GLTP: variants seen among roughly 807,000 people sequenced by gnomAD.
The protein encoded by GLTP is glycolipid transfer protein.
In GLTP, 22 loss-of-function variants were observed where a neutral mutation model predicts 24.0. The observed-to-expected ratio is 0.92, with a 90% CI of 0.65 to 1.31. GLTP has a LOEUF of 1.31. Among genes scored for constraint, GLTP ranks in the 50% most tolerant of loss-of-function variants. The pLI is 0.00. For synonymous variants in GLTP, 92 were observed against 115.9 expected (o/e 0.79, Z 1.33); for missense variants, 224 against 276.6 (o/e 0.81, Z 1.35).
At chr12:109,868,408 T>C (rs1592892702) in intron 1 of GLTP, among the ~76,000 whole-genome samples, 1 of 152,214 alleles carries the variant, frequency 6.6e-6, no homozygotes, top group Non-Finnish European at 1.5e-5. Flanking sequence ...CCATCCAAGC[T>C]GCCCCTCCAT....
At position 109,880,312 on chromosome 12, in the gene GLTP, C is replaced by A. The variant is rs749174248; in HGVS notation, c.63G>T (p.Gly21=). The A allele has an allele frequency of 2.5e-6, 4 of 1,606,822 alleles. No individual in the cohort carries two copies. The highest frequency in any genetic ancestry group is 3.4e-6 in the Non-Finnish European group (4 of 1,178,206). The change falls in exon 1 of 5, where the codon GGG becomes GGT. Residue 21 remains glycine (G), a synonymous_variant. Transcript: ENST00000318348. This position sits in a 1 kb window ranked among gnomAD's most constrained non-coding sequence, Gnocchi z 5.1. ...PLPADKQIET[G]PFLEAVSHLP... is the part of the protein sequence containing the mutation. ...GGTGGGACACCGCCTCGAGGAAGGGCCCGGTCTCGATCTGCTTGTCCGCGG... is the reference window on the plus strand; with the variant it reads ...GGTGGGACACCGCCTCGAGGAAGGGACCGGTCTCGATCTGCTTGTCCGCGG...
chr12:109,873,404 G>A (rs1178512587), intron 1 of GLTP, among the ~76,000 whole-genome samples: 1 of 152,204 alleles, frequency 6.6e-6, no homozygotes, highest in South Asian at 2.1e-4. Context: ...GGAGGCTGAC[G>A]TGGGTGGATC....
At position 109,872,553 on chromosome 12, in the gene GLTP, T is replaced by TAGCCC. The variant is rs903586819; in HGVS notation, c.103+7714_103+7718dup. Among the ~76,000 whole-genome samples, 89 of 152,258 alleles carry TAGCCC rather than the reference T, an allele frequency of 5.8e-4. 1 individual carries two copies. The highest frequency in any genetic ancestry group is 2.0e-3 in the African/African-American group (85 of 41,544). Reference sequence around the variant, plus strand: ...CAGAAAAACACAATAGGGCCCTCCATAGCCCTCCTTCCAGATTGTTCTCTG... The same window carrying TAGCCC: ...CAGAAAAACACAATAGGGCCCTCCATAGCCCAGCCCTCCTTCCAGATTGTTCTCTG... On this transcript the variant is annotated intron_variant, in intron 1 of 4. Transcript: ENST00000318348.
chr12:109,859,211 T>C (rs1565897797), intron 1 of GLTP, among the ~76,000 whole-genome samples: 1 of 152,144 alleles, frequency 6.6e-6, no homozygotes, highest in Admixed American at 6.6e-5. Context: ...CGCACCATCA[T>C]ACCCGGCTAA....
chr12:109,869,479 C>T (rs1371815358), intron 1 of GLTP, among the ~76,000 whole-genome samples: 3 of 113,904 alleles, frequency 2.6e-5, no homozygotes, highest in Admixed American at 1.1e-4. Context: ...TTTTTTGAGA[C>T]GGAGTCTCAC....
At chr12:109,869,869 G>C (rs1041703964) in intron 1 of GLTP, among the ~76,000 whole-genome samples, 68 of 151,650 alleles carry the variant, frequency 4.5e-4, no homozygotes, top group African/African-American at 1.6e-3. Context: ...TCCCAGGTTC[G>C]CACCATTCTC....
intron 1 of GLTP, among the ~76,000 whole-genome samples, chr12:109,876,038 T>C (rs1035450070): frequency 5.3e-5 from 8 of 152,176 alleles, no homozygotes; most frequent in Non-Finnish European, 8.8e-5. Flanking sequence ...TAATAAATTA[T>C]ACCACATTGA....
intron 1 of GLTP, chr12:109,866,367 G>A (rs1868528731): frequency 6.6e-6 from 1 of 152,248 alleles, no homozygotes; most frequent in South Asian, 2.1e-4. Flanking sequence ...TCTTTGCCAG[G>A]AGGTCACCAT....
In GLTP at chr12:109,855,154, A is replaced by G. The variant is rs1354652461; in HGVS notation, c.447+465T>C. On this transcript the variant is annotated intron_variant, in intron 4 of 4. Transcript: ENST00000318348. This position sits in a 1 kb window ranked among gnomAD's most constrained non-coding sequence, Gnocchi z 4.1. The stretch of plus-strand genomic sequence containing the variant: ...CAGGTGCTGAAGCCTCACCTCCAGG[A>G]GCCCTGGCCAATGTCACCCCAACAC... 6.6e-6 allele frequency among the ~76,000 whole-genome samples: 1 copy of G among 152,124 alleles called. No individual in the cohort carries two copies. Among genetic ancestry groups the G allele is most frequent in the African/African-American group, 2.4e-5 (1 of 41,434 alleles).
intron 1 of GLTP, among the ~76,000 whole-genome samples, chr12:109,871,165 C>T (rs1299028832): frequency 6.7e-6 from 1 of 148,354 alleles, no homozygotes; most frequent in African/African-American, 2.5e-5. Context: ...CTCACTGTAA[C>T]CTCCGCCTCC....
intron 1 of GLTP, among the ~76,000 whole-genome samples, chr12:109,864,550 A>G (rs1452815474): frequency 1.3e-5 from 2 of 152,180 alleles, no homozygotes; most frequent in Non-Finnish European, 2.9e-5. Context: ...TCACCCACCC[A>G]AGGCTCTGGG....
rs56313678 is a variant in GLTP at position 109,852,373 on chromosome 12, CAAAAAA to C, written c.*176_*181del. The C allele has an allele frequency of 2.5e-4, 72 of 284,022 alleles. No homozygotes were observed. Among genetic ancestry groups the C allele is most frequent in the Middle Eastern group, 9.8e-4 (1 of 1,016 alleles). 17.6% of individuals were successfully genotyped at this position (284,022 alleles called of 1,614,324 possible). A position where few individuals can be genotyped will look rare whatever the true frequency, so the allele number is the denominator to read the frequency against. ...TATTTACTGGTCCTTTAGAATAGACCAAAAAAAAAAAAAAAAAAGACTTAAAAAACG... is the reference window on the plus strand; with the variant it reads ...TATTTACTGGTCCTTTAGAATAGACCAAAAAAAAAAAAGACTTAAAAAACG... On this transcript the variant is annotated 3_prime_UTR_variant, in exon 5 of 5. Coordinates refer to ENST00000318348, the MANE Select transcript of GLTP (RefSeq NM_016433.4).
At chr12:109,864,010 T>C (rs967863912) in intron 1 of GLTP, among the ~76,000 whole-genome samples, 1 of 152,236 alleles carries the variant, frequency 6.6e-6, no homozygotes, top group Non-Finnish European at 1.5e-5. Flanking sequence ...TGTGTTCTCC[T>C]AACCATGAGC....
intron 1 of GLTP, chr12:109,859,787 G>T: frequency 6.4e-6 from 1 of 155,662 alleles, no homozygotes. Flanking sequence ...CATTAATTTT[G>T]TAGCTTCATC....
chr12:109,872,926 C>T (rs1049121030), intron 1 of GLTP, among the ~76,000 whole-genome samples: 2 of 152,184 alleles, frequency 1.3e-5, no homozygotes, highest in East Asian at 1.9e-4. Flanking sequence ...TTGTCCAACC[C>T]GCAGACCGCA....
At chr12:109,878,298 A>G (rs983286046) in intron 1 of GLTP, among the ~76,000 whole-genome samples, 1 of 152,194 alleles carries the variant, frequency 6.6e-6, no homozygotes, top group African/African-American at 2.4e-5. Flanking sequence ...ACAGAGTTTA[A>G]CCTGGGATTT....
chr12:109,870,671 TGA>T (rs1868693026), intron 1 of GLTP, among the ~76,000 whole-genome samples: 1 of 152,130 alleles, frequency 6.6e-6, no homozygotes, highest in Admixed American at 6.6e-5. Context: ...AAAGAATTAT[TGA>T]CTCATTGATT....
At chr12:109,856,886 T>C (rs964067623) in intron 3 of GLTP, among the ~76,000 whole-genome samples, 2 of 152,048 alleles carry the variant, frequency 1.3e-5, no homozygotes, top group African/African-American at 4.8e-5. Flanking sequence ...ATACAAAAAT[T>C]AGCCAGGCAT....
chr12:109,858,325 C>T (rs1892828225), intron 2 of GLTP: 8 of 425,944 alleles, frequency 1.9e-5, no homozygotes, highest in South Asian at 8.6e-5. Flanking sequence ...GCTGGGGAGG[C>T]GGCATCAGGA....
Sources: gnomAD v4.1 joint callset for allele counts (sites outside exome capture counted in the v4.1 genomes callset) on GRCh38, gnomAD v4.1.1 for gene constraint, Gnocchi (gnomAD v3.1) non-coding constraint, MANE v1.5 for transcripts, NCBI Gene and HGNC (gene_info 2026-07-23, HGNC 2026-07-21) for gene names.